The following BACH2 variants were observed in gnomAD, a reference collection of about 807,000 sequenced individuals.
BACH2 encodes the protein transcription regulator protein BACH2.
BACH2 carries 5 observed loss-of-function variants against 61.8 expected under a neutral mutation model. That is an observed-to-expected ratio of 0.08 (90% CI 0.04 to 0.17). BACH2 has a LOEUF of 0.17. Ranked by LOEUF, BACH2 falls within the 10% of genes least tolerant of loss-of-function variation. The pLI, the probability that BACH2 is intolerant of heterozygous loss-of-function variation, is 1.00. For missense variants in BACH2, 824 were observed against 1,091.1 expected (o/e 0.76, Z 3.45); for synonymous variants, 446 against 440.1 (o/e 1.01, Z -0.17).
At chr6:90,206,013 A>G (rs921082349) in intron 4 of BACH2, among the ~76,000 whole-genome samples, 3 of 152,202 alleles carry the variant, frequency 2.0e-5, no homozygotes, top group African/African-American at 7.2e-5. Context: ...TCTTGGAACT[A>G]TGTCTAAGGG....
chr6:89,960,472 ACTCT>A (rs1255682138), intron 6 of BACH2, among the ~76,000 whole-genome samples: 9 of 152,164 alleles, frequency 5.9e-5, no homozygotes, highest in African/African-American at 1.4e-4. Context: ...AAATTTTATT[ACTCT>A]CTCTAAAATA....
intron 4 of BACH2, among the ~76,000 whole-genome samples, chr6:90,200,314 T>C (rs961135960): frequency 6.6e-6 from 1 of 152,156 alleles, no homozygotes; most frequent in Admixed American, 6.5e-5. Context: ...CTTGTACACA[T>C]CGGCAGTGTC....
intron 4 of BACH2, among the ~76,000 whole-genome samples, chr6:90,100,130 A>G (rs977846501): frequency 1.4e-4 from 21 of 152,238 alleles, no homozygotes; most frequent in African/African-American, 4.8e-4. Context: ...ATGGCTGCAT[A>G]ATAATCAATT....
At chr6:90,237,415 T>C (rs1187517888) in intron 3 of BACH2, among the ~76,000 whole-genome samples, 4 of 152,252 alleles carry the variant, frequency 2.6e-5, no homozygotes, top group Non-Finnish European at 5.9e-5. Context: ...AGACCCAGTG[T>C]AGTTTTATTT....
At chr6:90,152,493 A>G (rs1408017601) in intron 4 of BACH2, among the ~76,000 whole-genome samples, 3 of 152,208 alleles carry the variant, frequency 2.0e-5, no homozygotes, top group African/African-American at 7.2e-5. Flanking sequence ...ATATGGGTAA[A>G]TTCCACAGGA....
chr6:89,981,577 G>C (rs1775961647), intron 6 of BACH2, among the ~76,000 whole-genome samples: 1 of 152,082 alleles, frequency 6.6e-6, no homozygotes, highest in African/African-American at 2.4e-5. Flanking sequence ...ACAGTTTATG[G>C]CTCCTTATTT....
chr6:90,234,388 G>A (rs1431126096), intron 3 of BACH2, among the ~76,000 whole-genome samples: 1 of 152,174 alleles, frequency 6.6e-6, no homozygotes, highest in Non-Finnish European at 1.5e-5. Flanking sequence ...GTGAATAGAT[G>A]GGCATTCCCA....
At chr6:90,099,017 T>C (rs899993292) in intron 4 of BACH2, among the ~76,000 whole-genome samples, 19 of 152,356 alleles carry the variant, frequency 1.2e-4, no homozygotes, top group African/African-American at 4.3e-4. Context: ...ACTTTCCTTG[T>C]GGTCCTTGTG....
intron 4 of BACH2, among the ~76,000 whole-genome samples, chr6:90,092,998 C>A (rs970913389): frequency 2.6e-5 from 4 of 152,098 alleles, no homozygotes; most frequent in African/African-American, 9.7e-5. Flanking sequence ...CCTTGAGCAG[C>A]CCCCAACTCC....
At chr6:90,011,930 ATATGTGTGTGTGTGTGTGTGTGTG>A (rs1439099039) in intron 5 of BACH2, among the ~76,000 whole-genome samples, 14 of 98,680 alleles carry the variant, frequency 1.4e-4, no homozygotes, top group African/African-American at 2.5e-4. Flanking sequence ...AAAAAAAAAA[ATATGTGTGTGTGTGTGTGTGTGTG>A]TGTGTGTGTG....
At chr6:89,966,781 T>G (rs1775069071) in intron 6 of BACH2, among the ~76,000 whole-genome samples, 1 of 152,188 alleles carries the variant, frequency 6.6e-6, no homozygotes, top group African/African-American at 2.4e-5. Context: ...TAAATGACAT[T>G]GACAGTGACT....
chr6:90,175,274 TCTTATTC>T (rs1767949644), intron 4 of BACH2, among the ~76,000 whole-genome samples: 1 of 152,168 alleles, frequency 6.6e-6, no homozygotes, highest in Non-Finnish European at 1.5e-5. Flanking sequence ...TATTATTTTT[TCTTATTC>T]CTTATTCTAG....
intron 5 of BACH2, among the ~76,000 whole-genome samples, chr6:90,024,851 G>A (rs1358689199): frequency 6.6e-6 from 1 of 152,178 alleles, no homozygotes; most frequent in Non-Finnish European, 1.5e-5. Flanking sequence ...ATGGAACACA[G>A]TGCCCATCAG....
At chr6:90,040,658 C>T (rs117721952) in intron 5 of BACH2, among the ~76,000 whole-genome samples, 357 of 152,040 alleles carry the variant, frequency 2.3e-3, no homozygotes, top group Non-Finnish European at 3.8e-3. Flanking sequence ...TCCATTTATT[C>T]ACATCTTTGT....
intron 4 of BACH2, among the ~76,000 whole-genome samples, chr6:90,158,814 A>G: frequency 6.6e-6 from 1 of 151,848 alleles, no homozygotes; most frequent in East Asian, 1.9e-4. Flanking sequence ...AAAACTATTC[A>G]AGGGAAAGTG....
chr6:90,064,878 C>G (rs1450859641), intron 5 of BACH2, among the ~76,000 whole-genome samples: 1 of 152,312 alleles, frequency 6.6e-6, no homozygotes, highest in African/African-American at 2.4e-5. Flanking sequence ...ATTTAATATA[C>G]TCCCTTCCTC....
At chr6:90,246,466 A>G (rs1255312199) in intron 3 of BACH2, among the ~76,000 whole-genome samples, 1 of 152,188 alleles carries the variant, frequency 6.6e-6, no homozygotes, top group African/African-American at 2.4e-5. Flanking sequence ...AGATTTCCAT[A>G]CAAAAGAAAA....
intron 3 of BACH2, among the ~76,000 whole-genome samples, chr6:90,239,250 C>A (rs1339888341): frequency 6.6e-6 from 1 of 152,140 alleles, no homozygotes; most frequent in African/African-American, 2.4e-5. Context: ...TTAGGGTTGG[C>A]GGATTTAGTT....
intron 6 of BACH2, among the ~76,000 whole-genome samples, chr6:89,959,146 C>CAG (rs1774599132): frequency 7.3e-6 from 1 of 137,064 alleles, no homozygotes; most frequent in Non-Finnish European, 1.6e-5. Flanking sequence ...CACACACACA[C>CAG]AGTTACCTAT....
Sources: gnomAD v4.1 joint callset for allele counts (sites outside exome capture counted in the v4.1 genomes callset) on GRCh38, gnomAD v4.1.1 for gene constraint, MANE v1.5 for transcripts, NCBI Gene and HGNC (gene_info 2026-07-23, HGNC 2026-07-21) for gene names.